Variants in DNHD1 observed in about 807,000 individuals in gnomAD.
DNHD1 encodes the protein dynein heavy chain domain-containing protein 1.
A neutral mutation model predicts 458.1 loss-of-function variants in DNHD1; 383 were observed. The ratio of observed to expected loss-of-function variants is 0.84; its 90% CI spans 0.77 to 0.91. The LOEUF is 0.91. Ranked by LOEUF, DNHD1 falls within the 40% of genes least tolerant of loss-of-function variation. The probability of loss-of-function intolerance (pLI) is 0.00; values close to 1 mark genes in which losing one functional copy is unlikely to be tolerated. For missense variants in DNHD1, 5,336 were observed against 5,866.1 expected, an observed-to-expected ratio of 0.91 and a Z score of 2.95; for synonymous variants, 2,203 against 2,376.9, an observed-to-expected ratio of 0.93 and a Z score of 2.13.
intron 28 of DNHD1, among the ~76,000 whole-genome samples, chr11:6,561,098 T>C (rs141166713): frequency 6.6e-6 from 1 of 152,330 alleles, no homozygotes; most frequent in East Asian, 1.9e-4. Context: ...GTCAAGTATT[T>C]AAATGTGCTG....
intron 28 of DNHD1, among the ~76,000 whole-genome samples, chr11:6,560,712 T>G (rs1265736183): frequency 1.3e-5 from 2 of 152,148 alleles, no homozygotes; most frequent in African/African-American, 4.8e-5. Context: ...ATAGCCATAA[T>G]AGTGTGTACT....
In DNHD1 at chr11:6,557,408, G is replaced by A. The variant is rs911443361; in HGVS notation, c.8113G>A (p.Val2705Met). ...ESEEEEEEER[V>M]PEVESEGELA... ...TGAGGAGGAGGAGGAGGAGGAGAGG[G>A]TGCCCGAAGTAGAATCTGAAGGGGA... The change falls in exon 25 of 43, where the codon GTG (valine) becomes ATG (methionine). Residue 2705 changes from valine (V) to methionine (M), a missense_variant. Physicochemically the swap from Val to Met is conservative, Grantham distance 21. Transcript: ENST00000254579. 1.9e-5 allele frequency: 29 copies of A among 1,550,888 alleles called. No individual in the cohort carries two copies. Among genetic ancestry groups the A allele is most frequent in the African/African-American group, 9.6e-5 (7 of 73,014 alleles).
At position 6,544,830 on chromosome 11, in the gene DNHD1, C is replaced by A. The variant is rs746879973; in HGVS notation, c.3891C>A (p.Thr1297=). 13 of 1,551,660 alleles carry A rather than the reference C, an allele frequency of 8.4e-6. No individual in the cohort carries two copies. The highest frequency in any genetic ancestry group is 1.1e-5 in the Non-Finnish European group (13 of 1,146,978). Residue 1297 remains threonine, a synonymous_variant, in exon 21 of 43, where the codon ACC becomes ACA. Transcript: ENST00000254579. The part of the protein sequence containing the change: ...RFKVMDDQYR[T]LMRISVADPM... ...AGGTCATGGATGACCAGTATCGAAC[C>A]CTGATGCGCATCTCTGTAGCTGACC... is the stretch of plus-strand genomic sequence containing the variant.
At chr11:6,500,557 T>C (rs892117128) in intron 3 of DNHD1, among the ~76,000 whole-genome samples, 4 of 152,238 alleles carry the variant, frequency 2.6e-5, no homozygotes, top group Non-Finnish European at 5.9e-5. Context: ...AGAGCTGCCC[T>C]GTGCCTTGAG....
In DNHD1 at chr11:6,545,188, A is replaced by T. The variant is rs1291916239; in HGVS notation, c.4249A>T (p.Thr1417Ser). The T allele has an allele frequency of 1.3e-6, 2 of 1,551,828 alleles. No homozygotes were observed. The highest frequency in any genetic ancestry group is 1.7e-6 in the Non-Finnish European group (2 of 1,147,060). ...DDWESSPNTQTQVEALAVLGA... is the reference protein window; with the variant it reads ...DDWESSPNTQSQVEALAVLGA... The stretch of plus-strand genomic sequence containing the variant: ...CTGGGAGTCAAGCCCAAACACACAG[A>T]CTCAGGTGGAGGCACTTGCAGTGCT... The change falls in exon 21 of 43, where the codon ACT becomes TCT. Residue 1417 changes from threonine to serine, a missense_variant. Thr to Ser is a moderately conservative substitution (Grantham distance 58). Around this residue, in one of 4 missense-constraint regions of DNHD1, gnomAD observed 3,932 missense variants for 4,365.6 expected, o/e 0.90. Coordinates refer to ENST00000254579, the MANE Select transcript of DNHD1 (RefSeq NM_144666.3). The surrounding 1 kb of genome is among the most constrained non-coding windows in gnomAD (Gnocchi z 4.9).
At position 6,556,715 on chromosome 11, in the gene DNHD1, ACT is replaced by A. The variant is rs1564819854; in HGVS notation, c.7423_7424del (p.Leu2475AlafsTer36). 1.9e-6 allele frequency: 3 copies of A among 1,548,674 alleles called. No homozygotes were observed. Among genetic ancestry groups the A allele is most frequent in the African/African-American group, 2.7e-5 (2 of 72,994 alleles). On this transcript the variant is annotated frameshift_variant, in exon 25 of 43. Coordinates refer to ENST00000254579, the MANE Select transcript of DNHD1 (RefSeq NM_144666.3). LOFTEE classifies it high-confidence loss of function. ...PEKSCQPVLE[T>X]LRQAMDGTVY... ...GAAGAGCTGCCAGCCAGTGTTGGAG[ACT>A]CTGCGCCAGGCCATGGATGGCACTG...
Position 6,511,255 on chromosome 11 carries a change from C to G in DNHD1, c.1236-18C>G. The G allele has an allele frequency of 6.2e-7, 1 of 1,613,482 alleles. No individual in the cohort carries two copies. Among genetic ancestry groups the G allele is most frequent in the Non-Finnish European group, 8.5e-7 (1 of 1,179,652 alleles). On this transcript the variant is annotated intron_variant, in intron 6 of 42. Coordinates refer to ENST00000254579, the MANE Select transcript of DNHD1 (RefSeq NM_144666.3). ...GGATTGGGATGCCAGCTCTGACCAGCTTAGTCCTTGATTCTAGGCTTCTGC... is the reference window on the plus strand; with the variant it reads ...GGATTGGGATGCCAGCTCTGACCAGGTTAGTCCTTGATTCTAGGCTTCTGC...
chr11:6,549,055 T>A, intron 24 of DNHD1, 122 bp downstream of exon 24: 1 of 1,089,890 alleles, frequency 9.2e-7, no homozygotes, highest in Non-Finnish European at 1.3e-6. Flanking sequence ...GTTCTGTTCT[T>A]AATATCTTCT....
Position 6,545,988 on chromosome 11 carries a change from G to A in DNHD1, c.5049G>A (p.Gly1683=), listed in dbSNP as rs1247308394. The change falls in exon 21 of 43, where the codon GGG becomes GGA. Residue 1683 remains glycine, a synonymous_variant. Coordinates refer to ENST00000254579, the MANE Select transcript of DNHD1 (RefSeq NM_144666.3). The surrounding 1 kb of genome is among the most constrained non-coding windows in gnomAD (Gnocchi z 4.9). ...TGGCCCTAGAGGAGGTGGCCTGTGG[G>A]ACCGTACTGGGTCCTAATGGTGTGG... ...LLLALEEVAC[G]TVLGPNGVGK... 6 of 1,551,764 alleles carry A rather than the reference G, an allele frequency of 3.9e-6. No homozygotes were observed. Among genetic ancestry groups the A allele is most frequent in the Non-Finnish European group, 5.2e-6 (6 of 1,147,008 alleles).
intron 3 of DNHD1, among the ~76,000 whole-genome samples, chr11:6,501,725 GA>G (rs1177804242): frequency 6.6e-6 from 1 of 152,132 alleles, no homozygotes; most frequent in Admixed American, 6.5e-5. Context: ...CAGGCAGAAT[GA>G]GCCCACAGCT....
rs189772244 is a variant in DNHD1 at position 6,544,980 on chromosome 11, C to T, written c.4041C>T (p.Ser1347=). The T allele has an allele frequency of 2.0e-3, 3,028 of 1,551,716 alleles. 7 individuals carry two copies. The highest frequency in any genetic ancestry group is 2.2e-3 in the Non-Finnish European group (2,468 of 1,146,980). ...AGGGCATCATCATGAGTCTGGAGAG[C>T]GTGCTCTATGGGGTGTGTGCTCACT... ...ELEGIIMSLE[S]VLYGVCAHFP... The change falls in exon 21 of 43, where the codon AGC becomes AGT. Residue 1347 remains serine, a synonymous_variant. Coordinates refer to ENST00000254579, the MANE Select transcript of DNHD1 (RefSeq NM_144666.3).
At position 6,519,592 on chromosome 11, in the gene DNHD1, G is replaced by T; in HGVS notation, c.1393-8G>T. The T allele has an allele frequency of 6.2e-7, 1 of 1,613,922 alleles. No homozygotes were observed. The highest frequency in any genetic ancestry group is 8.5e-7 in the Non-Finnish European group (1 of 1,179,948). Reference sequence around the variant, plus strand: ...CCTATCTGGTGAGTTTCCACTCTATGCTCACAGGTTCACGAGGACACATAC... The same window carrying T: ...CCTATCTGGTGAGTTTCCACTCTATTCTCACAGGTTCACGAGGACACATAC... On this transcript the variant is annotated splice_polypyrimidine_tract_variant and splice_region_variant and intron_variant, in intron 7 of 42. Coordinates refer to ENST00000254579, the MANE Select transcript of DNHD1 (RefSeq NM_144666.3).
rs896254702 is a variant in DNHD1 at position 6,534,165 on chromosome 11, T to C, written c.2990T>C (p.Ile997Thr). ...DLSELHHAYA[I>T]FTEDETPVPL... is the part of the protein sequence containing the mutation. ...AGTGAACTGCACCACGCCTATGCCATCTTCACTGGTACTGAGGATCCCTGC... is the reference window on the plus strand; with the variant it reads ...AGTGAACTGCACCACGCCTATGCCACCTTCACTGGTACTGAGGATCCCTGC... Residue 997 changes from isoleucine (I) to threonine (T), a missense_variant, in exon 14 of 43, where the codon ATC becomes ACC. Physicochemically the swap from Ile to Thr is moderately conservative, Grantham distance 89. Coordinates refer to ENST00000254579, the MANE Select transcript of DNHD1 (RefSeq NM_144666.3). The C allele has an allele frequency of 1.4e-5, 21 of 1,550,766 alleles. No individual in the cohort carries two copies. The African/African-American group carries it at 2.9e-4, about 21-fold the overall frequency.
At position 6,564,805 on chromosome 11, in the gene DNHD1, G is replaced by A; in HGVS notation, c.10756+1G>A. On this transcript the variant is annotated splice_donor_variant, in intron 32 of 42. Coordinates refer to ENST00000254579, the MANE Select transcript of DNHD1 (RefSeq NM_144666.3). LOFTEE classifies it high-confidence loss of function. Reference sequence around the variant, plus strand: ...GCGCCAGCCCTCACTGAGGGTAGAGGTAAGCAGGCATAATAAATGCAATGC... The same window carrying A: ...GCGCCAGCCCTCACTGAGGGTAGAGATAAGCAGGCATAATAAATGCAATGC... 6.6e-7 allele frequency: 1 copy of A among 1,509,314 alleles called. No individual in the cohort carries two copies. Among genetic ancestry groups the A allele is most frequent in the Non-Finnish European group, 8.9e-7 (1 of 1,121,964 alleles). 93.5% of individuals were successfully genotyped at this position (1,509,314 alleles called of 1,614,324 possible). A position where few individuals can be genotyped will look rare whatever the true frequency, so the allele number is the denominator to read the frequency against.
intron 14 of DNHD1, 100 bp downstream of exon 14, chr11:6,534,273 G>T: frequency 7.9e-7 from 1 of 1,271,028 alleles, no homozygotes; most frequent in Non-Finnish European, 1.1e-6. Flanking sequence ...ATGACCCCAA[G>T]CAAGCCTTGG....
chr11:6,545,052 G>C lies in DNHD1; in HGVS notation c.4113G>C (p.Leu1371=). 1 of 1,551,904 alleles carries C rather than the reference G, an allele frequency of 6.4e-7. No individual in the cohort carries two copies. The highest frequency in any genetic ancestry group is 8.7e-7 in the Non-Finnish European group (1 of 1,147,024). ...FLSDSELVAL[L]AARLESCEAQ... is the part of the protein sequence containing the mutation. ...GTGACAGTGAGCTGGTAGCCCTGCTGGCTGCTCGACTGGAATCATGCGAAG... is the reference window on the plus strand; with the variant it reads ...GTGACAGTGAGCTGGTAGCCCTGCTCGCTGCTCGACTGGAATCATGCGAAG... Residue 1371 remains leucine, a synonymous_variant, in exon 21 of 43, where the codon CTG becomes CTC. Coordinates refer to ENST00000254579, the MANE Select transcript of DNHD1 (RefSeq NM_144666.3). The surrounding 1 kb of genome is among the most constrained non-coding windows in gnomAD (Gnocchi z 4.9).
In DNHD1 at chr11:6,559,074, G is replaced by C. The variant is rs1351466049; in HGVS notation, c.9384G>C (p.Gln3128His). The C allele has an allele frequency of 6.4e-7, 1 of 1,551,636 alleles. No homozygotes were observed. Among genetic ancestry groups the C allele is most frequent in the Non-Finnish European group, 8.7e-7 (1 of 1,146,986 alleles). ...FLDTFLMLQQ[Q>H]TILKIKNKAQ... ...ACACTTTCCTGATGCTGCAGCAACA[G>C]ACAATCCTGAAGATTAAGAACAAGG... The change falls in exon 27 of 43, where the codon CAG becomes CAC. Residue 3128 changes from glutamine (Q) to histidine (H), a missense_variant. Around this residue, in one of 4 missense-constraint regions of DNHD1, gnomAD observed 3,932 missense variants for 4,365.6 expected, o/e 0.90. Coordinates refer to ENST00000254579, the MANE Select transcript of DNHD1 (RefSeq NM_144666.3).
In DNHD1 at chr11:6,505,295, G is replaced by A. The variant is rs1380053321; in HGVS notation, c.920+2369G>A. Among the ~76,000 whole-genome samples the A allele has an allele frequency of 6.6e-6, 1 of 151,910 alleles. No individual in the cohort carries two copies. Among genetic ancestry groups the A allele is most frequent in the African/African-American group, 2.4e-5 (1 of 41,324 alleles). On this transcript the variant is annotated intron_variant, in intron 4 of 42. Transcript: ENST00000254579. The surrounding 1 kb of genome is among the most constrained non-coding windows in gnomAD (Gnocchi z 4.4). ...GGAGTCTCACTCTGTTGCCTAGGCT[G>A]GAGTGCCATGGCGATCTTGGCTCAC...
At position 6,554,589 on chromosome 11, in the gene DNHD1, A is replaced by G. The variant is rs117776776; in HGVS notation, c.7388-2094A>G. On this transcript the variant is annotated intron_variant, in intron 24 of 42. Coordinates refer to ENST00000254579, the MANE Select transcript of DNHD1 (RefSeq NM_144666.3). Reference sequence around the variant, plus strand: ...ACATAAAAAACTCTTACAACTCAATAAGAAAACAAACATCATCCCAATGTT... The same window carrying G: ...ACATAAAAAACTCTTACAACTCAATGAGAAAACAAACATCATCCCAATGTT... 0.011 allele frequency among the ~76,000 whole-genome samples: 1,674 copies of G among 152,344 alleles called. 81 individuals are homozygous for G. The East Asian group carries it at 0.14, about 13-fold the overall frequency.
Sources: allele counts gnomAD v4.1 joint callset (sites outside exome capture counted in the v4.1 genomes callset), GRCh38; gene constraint gnomAD v4.1.1; regional missense constraint gnomAD v4.1.1; non-coding constraint Gnocchi (gnomAD v3.1); transcripts MANE v1.5; gene names NCBI Gene and HGNC (gene_info 2026-07-23, HGNC 2026-07-21).